The following FAM107B variants were observed in gnomAD, a reference collection of about 807,000 sequenced individuals.
FAM107B encodes the protein family with sequence similarity 107 member B, also known as protein FAM107B.
Under a neutral mutation model 31.5 loss-of-function variants are expected in FAM107B, and 21 were observed. The observed-to-expected ratio is 0.67, with a 90% CI of 0.47 to 0.96. The LOEUF is 0.96. Ranked by LOEUF, FAM107B falls within the 40% of genes least tolerant of loss-of-function variation. The probability of loss-of-function intolerance (pLI) is 0.00; values close to 1 mark genes in which losing one functional copy is unlikely to be tolerated. For synonymous variants in FAM107B, 157 were observed against 141.5 expected, an observed-to-expected ratio of 1.11 and a Z score of -0.78; for missense variants, 452 against 377.1, an observed-to-expected ratio of 1.20 and a Z score of -1.64.
chr10:14,652,491 C>T (rs945317443), intron 2 of FAM107B, among the ~76,000 whole-genome samples: 1 of 152,194 alleles, frequency 6.6e-6, no homozygotes, highest in Non-Finnish European at 1.5e-5. Flanking sequence ...CTCTTTCTTG[C>T]CATGCAACCT....
chr10:14,605,643 A>G (rs1450556848), intron 2 of FAM107B, among the ~76,000 whole-genome samples: 1 of 152,194 alleles, frequency 6.6e-6, no homozygotes, highest in Non-Finnish European at 1.5e-5. Flanking sequence ...CCTGGAACCC[A>G]CTGAGGGGTG....
At chr10:14,760,942 G>C (rs1312463487) in intron 1 of FAM107B, among the ~76,000 whole-genome samples, 1 of 149,560 alleles carries the variant, frequency 6.7e-6, no homozygotes, top group East Asian at 2.0e-4. Flanking sequence ...AACCCGGGAG[G>C]CGAAGGTTGC....
intron 3 of FAM107B, among the ~76,000 whole-genome samples, chr10:14,527,012 T>C (rs576385344): frequency 2.0e-4 from 30 of 152,170 alleles, no homozygotes; most frequent in East Asian, 7.7e-4. Flanking sequence ...TAATTTTTTA[T>C]ATTTTTAGTA....
intron 1 of FAM107B, among the ~76,000 whole-genome samples, chr10:14,680,190 C>G (rs980854952): frequency 2.0e-5 from 3 of 152,050 alleles, no homozygotes; most frequent in African/African-American, 7.2e-5. Flanking sequence ...TCTTGAGTTC[C>G]CAGCATAGAA....
At position 14,635,078 on chromosome 10, in the gene FAM107B, G is replaced by A. The variant is rs146554110; in HGVS notation, c.469+32556C>T. The stretch of plus-strand genomic sequence containing the variant: ...CGATCCAGAGACTGGGCAAGAGAGA[G>A]AGAACCTATCTCCAAAAAAAAGAAA... On this transcript the variant is annotated intron_variant, in intron 2 of 4. Transcript: ENST00000181796. Among the ~76,000 whole-genome samples the A allele has an allele frequency of 6.1e-4, 82 of 134,666 alleles. 1 individual carries two copies. Among genetic ancestry groups the A allele is most frequent in the African/African-American group, 2.2e-3 (80 of 35,896 alleles). 88.3% of individuals were successfully genotyped at this position (134,666 alleles called of 152,430 possible).
chr10:14,765,074 G>T (rs990028100), intron 1 of FAM107B, among the ~76,000 whole-genome samples: 1 of 152,180 alleles, frequency 6.6e-6, no homozygotes, highest in South Asian at 2.1e-4. Flanking sequence ...AATAAGTGCT[G>T]CTCAAAGATA....
At chr10:14,688,606 A>G (rs1335463727) in intron 1 of FAM107B, among the ~76,000 whole-genome samples, 4 of 152,230 alleles carry the variant, frequency 2.6e-5, no homozygotes, top group Non-Finnish European at 2.9e-5. Flanking sequence ...ATAACAAGAC[A>G]TACACCATTT....
At chr10:14,629,316 AAT>A (rs1853263274) in intron 2 of FAM107B, among the ~76,000 whole-genome samples, 1 of 78,326 alleles carries the variant, frequency 1.3e-5, no homozygotes, top group Admixed American at 1.7e-4. Context: ...TAATATATAT[AAT>A]ATATAAATTA....
chr10:14,737,333 C>T (rs1333739489), intron 1 of FAM107B, among the ~76,000 whole-genome samples: 1 of 151,976 alleles, frequency 6.6e-6, no homozygotes, highest in Non-Finnish European at 1.5e-5. Flanking sequence ...ATAGAAAAAA[C>T]ATTTTAGGCC....
At chr10:14,715,237 C>T (rs955308197) in intron 1 of FAM107B, among the ~76,000 whole-genome samples, 1 of 151,730 alleles carries the variant, frequency 6.6e-6, no homozygotes, top group Non-Finnish European at 1.5e-5. Context: ...ATTCCTCAAA[C>T]AAGGACAGAT....
At chr10:14,710,052 G>C (rs1855606152) in intron 1 of FAM107B, among the ~76,000 whole-genome samples, 1 of 152,096 alleles carries the variant, frequency 6.6e-6, no homozygotes, top group African/African-American at 2.4e-5. Flanking sequence ...AGTACCAAGA[G>C]TGACCCCAAT....
In FAM107B at chr10:14,774,522, T is replaced by C. The variant is rs764688416; in HGVS notation, c.142A>G (p.Thr48Ala). The C allele has an allele frequency of 3.7e-6, 6 of 1,614,126 alleles. No individual in the cohort carries two copies. The highest frequency in any genetic ancestry group is 5.1e-6 in the Non-Finnish European group (6 of 1,180,030). The change falls in exon 1 of 5, where the codon ACT (threonine) becomes GCT (alanine). Residue 48 changes from threonine to alanine, a missense_variant. Coordinates refer to ENST00000181796, the MANE Select transcript of FAM107B (RefSeq NM_031453.4). ...GGCTGCACACGGACGGTGGAATGAG[T>C]ATCAGCCACGCCGGACTGATTGAAG... is the stretch of plus-strand genomic sequence containing the variant. ...ASFNQSGVAD[T>A]HSTVRVQPVA...
intron 2 of FAM107B, among the ~76,000 whole-genome samples, chr10:14,608,366 G>A (rs886409083): frequency 3.3e-5 from 5 of 152,112 alleles, no homozygotes; most frequent in South Asian, 2.1e-4. Context: ...ATAACACATC[G>A]CCTCAAAACT....
At chr10:14,655,142 C>T (rs765942626) in intron 2 of FAM107B, among the ~76,000 whole-genome samples, 4 of 152,154 alleles carry the variant, frequency 2.6e-5, no homozygotes, top group Non-Finnish European at 2.9e-5. Flanking sequence ...ATTCTTTAAC[C>T]GTCAGATCTC....
intron 1 of FAM107B, among the ~76,000 whole-genome samples, chr10:14,741,500 G>A (rs1470428631): frequency 1.3e-5 from 2 of 152,080 alleles, no homozygotes; most frequent in Non-Finnish European, 2.9e-5. Flanking sequence ...AGAAAAGTGT[G>A]AATCCCTGCA....
chr10:14,705,888 G>A (rs965414999), intron 1 of FAM107B, among the ~76,000 whole-genome samples: 12 of 152,128 alleles, frequency 7.9e-5, no homozygotes, highest in African/African-American at 2.9e-4. Flanking sequence ...AAACTCTAAC[G>A]TTAAGGCAAC....
At chr10:14,760,024 A>G (rs748630040) in intron 1 of FAM107B, among the ~76,000 whole-genome samples, 7 of 152,106 alleles carry the variant, frequency 4.6e-5, no homozygotes, top group Non-Finnish European at 8.8e-5. Flanking sequence ...GCCTTCATCT[A>G]TTCTTATTTC....
At chr10:14,656,159 C>A (rs182375008) in intron 2 of FAM107B, among the ~76,000 whole-genome samples, 78 of 152,296 alleles carry the variant, frequency 5.1e-4, no homozygotes, top group Non-Finnish European at 7.1e-4. Context: ...GGCCCCTGTG[C>A]TCCTCCTAGA....
chr10:14,556,949 C>T (rs1171873985), intron 2 of FAM107B, among the ~76,000 whole-genome samples: 1 of 152,210 alleles, frequency 6.6e-6, no homozygotes, highest in East Asian at 1.9e-4. Context: ...CCACACAGGC[C>T]TGCCTTCATT....
Sources: allele counts gnomAD v4.1 joint callset (sites outside exome capture counted in the v4.1 genomes callset), GRCh38; gene constraint gnomAD v4.1.1; transcripts MANE v1.5; gene names NCBI Gene and HGNC (gene_info 2026-07-23, HGNC 2026-07-21).